ELMO1: variants seen among roughly 807,000 people sequenced by gnomAD.
ELMO1 encodes engulfment and cell motility 1.
Under a neutral mutation model 98.9 loss-of-function variants are expected in ELMO1, and 26 were observed. The ratio of observed to expected loss-of-function variants is 0.26; its 90% CI spans 0.19 to 0.36. The LOEUF (loss-of-function observed/expected upper bound fraction) is 0.36. Ranked by LOEUF, ELMO1 falls within the 10% of genes least tolerant of loss-of-function variation. ELMO1 has a pLI of 1.00. For synonymous variants in ELMO1, 346 were observed against 346.0 expected, an observed-to-expected ratio of 1.00 and a Z score of 0.00; for missense variants, 627 against 935.2, an observed-to-expected ratio of 0.67 and a Z score of 4.30.
At chr7:37,041,592 T>C (rs899774378) in intron 15 of ELMO1, among the ~76,000 whole-genome samples, 2 of 152,272 alleles carry the variant, frequency 1.3e-5, no homozygotes, top group Admixed American at 1.3e-4. Flanking sequence ...GTTTGAAAAG[T>C]ATCACCAGAG....
At position 37,342,958 on chromosome 7, in the gene ELMO1, C is replaced by T. The variant is rs928240828; in HGVS notation, c.-73-195G>A. 7 of 373,600 alleles carry T rather than the reference C, an allele frequency of 1.9e-5. No homozygotes were observed. The highest frequency in any genetic ancestry group is 3.4e-5 in the Non-Finnish European group (7 of 206,060). 23.1% of individuals were successfully genotyped at this position (373,600 alleles called of 1,614,324 possible). A position where few individuals can be genotyped will look rare whatever the true frequency, so the allele number is the denominator to read the frequency against. On this transcript the variant is annotated intron_variant, in intron 1 of 21. Transcript: ENST00000310758. The surrounding 1 kb of genome is among the most constrained non-coding windows in gnomAD (Gnocchi z 4.3). ...AGGAAAGAAGAAAGATGGGGGTGCCCGTGCCAACGCCCTTGAGTCAAAGCC... is the reference window on the plus strand; with the variant it reads ...AGGAAAGAAGAAAGATGGGGGTGCCTGTGCCAACGCCCTTGAGTCAAAGCC...
At chr7:37,206,980 C>T (rs1792665288) in intron 13 of ELMO1, among the ~76,000 whole-genome samples, 3 of 151,962 alleles carry the variant, frequency 2.0e-5, no homozygotes, top group Non-Finnish European at 4.4e-5. Context: ...CTTTTTCATG[C>T]TTGTCCGGTA....
intron 15 of ELMO1, among the ~76,000 whole-genome samples, chr7:37,027,988 T>C (rs1794675167): frequency 1.3e-5 from 2 of 151,942 alleles, no homozygotes; most frequent in South Asian, 4.1e-4. Flanking sequence ...CCTAGAAAGG[T>C]GAGTTGTTTA....
At chr7:36,866,338 T>C (rs1017743878) in intron 20 of ELMO1, among the ~76,000 whole-genome samples, 2 of 152,208 alleles carry the variant, frequency 1.3e-5, no homozygotes, top group Admixed American at 6.5e-5. Flanking sequence ...CCACCATTTC[T>C]TGTCTCCGTA....
chr7:37,166,861 G>C (rs943116999), intron 13 of ELMO1, among the ~76,000 whole-genome samples: 3 of 152,124 alleles, frequency 2.0e-5, no homozygotes, highest in African/African-American at 7.2e-5. Context: ...GGTCTGCTTG[G>C]TGGAGAGCTG....
At chr7:37,320,826 A>G (rs202215731) in intron 2 of ELMO1, among the ~76,000 whole-genome samples, 1 of 152,230 alleles carries the variant, frequency 6.6e-6, no homozygotes, top group African/African-American at 2.4e-5. Flanking sequence ...AAAAACAACA[A>G]CAACAAAAAA....
intron 12 of ELMO1, among the ~76,000 whole-genome samples, chr7:37,213,079 G>A (rs1429374143): frequency 6.6e-6 from 1 of 152,168 alleles, no homozygotes; most frequent in African/African-American, 2.4e-5. Context: ...CTGTGGTCAT[G>A]TGACATCAAA....
chr7:37,036,787 G>T (rs1346664799), intron 15 of ELMO1, among the ~76,000 whole-genome samples: 1 of 152,146 alleles, frequency 6.6e-6, no homozygotes, highest in Non-Finnish European at 1.5e-5. Context: ...TTTTTAAAAT[G>T]GATGCAAGAT....
intron 13 of ELMO1, among the ~76,000 whole-genome samples, chr7:37,194,953 A>G (rs1244376773): frequency 1.3e-5 from 2 of 152,198 alleles, no homozygotes; most frequent in African/African-American, 2.4e-5. Context: ...CACACTTACC[A>G]TATGCCTATC....
chr7:37,030,355 T>A (rs891064600), intron 15 of ELMO1, among the ~76,000 whole-genome samples: 3 of 152,096 alleles, frequency 2.0e-5, no homozygotes, highest in Non-Finnish European at 4.4e-5. Context: ...TTGAAACTGT[T>A]TTTTTTTCCT....
At chr7:36,871,432 A>G (rs1803491823) in intron 19 of ELMO1, among the ~76,000 whole-genome samples, 1 of 152,188 alleles carries the variant, frequency 6.6e-6, no homozygotes, top group African/African-American at 2.4e-5. Context: ...GAAAGAAGGC[A>G]ATAGGATGGT....
At chr7:37,123,860 T>C (rs986214584) in intron 14 of ELMO1, among the ~76,000 whole-genome samples, 1 of 152,178 alleles carries the variant, frequency 6.6e-6, no homozygotes, top group South Asian at 2.1e-4. Flanking sequence ...ACCAATATCC[T>C]TGATGAACAT....
At chr7:37,270,053 A>T (rs535558364) in intron 5 of ELMO1, 1 of 152,340 alleles carries the variant, frequency 6.6e-6, no homozygotes, top group Non-Finnish European at 1.5e-5. Flanking sequence ...AATGAAATAA[A>T]AGGCAAGGTC....
chr7:37,297,303 T>C (rs1424049597), intron 4 of ELMO1, among the ~76,000 whole-genome samples: 2 of 152,220 alleles, frequency 1.3e-5, no homozygotes, highest in East Asian at 3.8e-4. Context: ...CTGTGAAAAG[T>C]TGCTGAAATG....
At chr7:36,881,362 G>A (rs749343816) in intron 18 of ELMO1, among the ~76,000 whole-genome samples, 1 of 152,216 alleles carries the variant, frequency 6.6e-6, no homozygotes, top group Non-Finnish European at 1.5e-5. Flanking sequence ...GCAGCAGCTT[G>A]ATTTGCAGTT....
chr7:36,947,994 A>T (rs184538489), intron 16 of ELMO1, among the ~76,000 whole-genome samples: 5 of 152,228 alleles, frequency 3.3e-5, no homozygotes, highest in Non-Finnish European at 7.3e-5. Flanking sequence ...CTTGTCTATC[A>T]TAGACACAGT....
intron 13 of ELMO1, among the ~76,000 whole-genome samples, chr7:37,173,011 T>C (rs1200005628): frequency 6.6e-6 from 1 of 152,200 alleles, no homozygotes; most frequent in Non-Finnish European, 1.5e-5. Flanking sequence ...TGAGTTGAGA[T>C]GGATATGTAA....
chr7:36,878,433 C>A (rs149472250), intron 18 of ELMO1, among the ~76,000 whole-genome samples: 2 of 152,136 alleles, frequency 1.3e-5, no homozygotes, highest in Non-Finnish European at 2.9e-5. Context: ...ACCATGGGAA[C>A]TGCTCCTTAT....
At chr7:36,996,255 A>G (rs137953504) in intron 16 of ELMO1, among the ~76,000 whole-genome samples, 1 of 152,262 alleles carries the variant, frequency 6.6e-6, no homozygotes, top group East Asian at 1.9e-4. Flanking sequence ...TTCAATGCCA[A>G]ACTGAGTCCA....
Sources: allele counts gnomAD v4.1 joint callset (sites outside exome capture counted in the v4.1 genomes callset), GRCh38; gene constraint gnomAD v4.1.1; non-coding constraint Gnocchi (gnomAD v3.1); transcripts MANE v1.5; gene names NCBI Gene and HGNC (gene_info 2026-07-23, HGNC 2026-07-21).